PRDM16: variants seen among roughly 807,000 people sequenced by gnomAD.
The protein encoded by PRDM16 is histone-lysine N-methyltransferase PRDM16.
Under a neutral mutation model 110.6 loss-of-function variants are expected in PRDM16, and 23 were observed. The observed-to-expected ratio is 0.21, with a 90% CI of 0.15 to 0.29. PRDM16 has a LOEUF of 0.29. Ranked by LOEUF, PRDM16 falls within the 10% of genes least tolerant of loss-of-function variation. PRDM16 has a pLI of 1.00. For missense variants in PRDM16, 1,615 were observed against 1,794.3 expected, an observed-to-expected ratio of 0.90 and a Z score of 1.81; for synonymous variants, 799 against 781.8, an observed-to-expected ratio of 1.02 and a Z score of -0.37.
intron 1 of PRDM16, among the ~76,000 whole-genome samples, chr1:3,091,721 G>A (rs180670685): frequency 6.6e-6 from 1 of 152,302 alleles, no homozygotes; most frequent in Admixed American, 6.5e-5. Context: ...CCTGCGGGGA[G>A]GGGATGGAGC....
At chr1:3,252,579 A>C (rs976750962) in intron 3 of PRDM16, among the ~76,000 whole-genome samples, 1 of 152,058 alleles carries the variant, frequency 6.6e-6, no homozygotes, top group African/African-American at 2.4e-5. Context: ...CTAAGAAGCC[A>C]CCTGCTGTTA....
intron 3 of PRDM16, among the ~76,000 whole-genome samples, chr1:3,296,258 C>G (rs1242976167): frequency 6.6e-6 from 1 of 152,224 alleles, no homozygotes; most frequent in Non-Finnish European, 1.5e-5. Context: ...CCGTCCAGCC[C>G]CAGTTCCCAT....
chr1:3,182,662 G>C (rs543933805), intron 1 of PRDM16, among the ~76,000 whole-genome samples: 27 of 152,192 alleles, frequency 1.8e-4, no homozygotes, highest in Admixed American at 1.8e-3. Flanking sequence ...TGGGCTCCCA[G>C]CCAGCTCGGT....
Position 3,437,179 on chromosome 1 carries a change from G to C in PRDM16, c.*3368G>C, listed in dbSNP as rs1402782973. 2 of 232,436 alleles carry C rather than the reference G, an allele frequency of 8.6e-6. No homozygotes were observed. The highest frequency in any genetic ancestry group is 1.1e-4 in the Admixed American group (2 of 17,746). 14.4% of individuals were successfully genotyped at this position (232,436 alleles called of 1,614,324 possible). A position where few individuals can be genotyped will look rare whatever the true frequency, so the allele number is the denominator to read the frequency against. ...GGGGTGGGCGTGGTGTGGCCTGAGA[G>C]ACTGCCCAGCTGGAGAGGCCTTCCT... On this transcript the variant is annotated 3_prime_UTR_variant, in exon 17 of 17. Coordinates refer to ENST00000270722, the MANE Select transcript of PRDM16 (RefSeq NM_022114.4).
intron 2 of PRDM16, among the ~76,000 whole-genome samples, chr1:3,194,098 G>A (rs949870126): frequency 1.3e-5 from 2 of 152,240 alleles, no homozygotes; most frequent in South Asian, 2.1e-4. Context: ...TGTCCTGTCC[G>A]GCACCTGCAC....
intron 1 of PRDM16, among the ~76,000 whole-genome samples, chr1:3,146,248 T>C (rs1643649861): frequency 6.6e-6 from 1 of 152,228 alleles, no homozygotes; most frequent in South Asian, 2.1e-4. Context: ...CCAATGAACG[T>C]TCGCTGACTT....
intron 3 of PRDM16, among the ~76,000 whole-genome samples, chr1:3,331,695 A>G (rs114783159): frequency 0.017 from 2,631 of 152,260 alleles, 77 homozygotes; most frequent in African/African-American, 0.06. Context: ...ATGGGCAGAG[A>G]ACAGCCTTCC....
intron 3 of PRDM16, among the ~76,000 whole-genome samples, chr1:3,263,846 G>A (rs1191202791): frequency 6.6e-6 from 1 of 152,220 alleles, no homozygotes; most frequent in Non-Finnish European, 1.5e-5. Flanking sequence ...GCAGGTGGGG[G>A]TATGGCGGCA....
chr1:3,356,063 T>C (rs915099184), intron 3 of PRDM16, among the ~76,000 whole-genome samples: 1 of 152,168 alleles, frequency 6.6e-6, no homozygotes, highest in African/African-American at 2.4e-5. Flanking sequence ...CAGTGCAGCT[T>C]TCAGGGCCCA....
chr1:3,359,688 C>A lies in PRDM16; in HGVS notation c.439-25464C>A, dbSNP rs1318668978. Among the ~76,000 whole-genome samples the A allele has an allele frequency of 6.6e-6, 1 of 152,174 alleles. No homozygotes were observed. The highest frequency in any genetic ancestry group is 2.4e-5 in the African/African-American group (1 of 41,440). On this transcript the variant is annotated intron_variant, in intron 3 of 16. Coordinates refer to ENST00000270722, the MANE Select transcript of PRDM16 (RefSeq NM_022114.4). This position sits in a 1 kb window ranked among gnomAD's most constrained non-coding sequence, Gnocchi z 4.3. ...GGGTCTTTAGAAAATTTTTGGCAAT[C>A]TTGACTTCTTTCCCCCTTGGAAAAA...
chr1:3,111,892 C>G lies in PRDM16; in HGVS notation c.37+42596C>G, dbSNP rs1353717855. Reference sequence around the variant, plus strand: ...TTTGAAAAGGTGGGCCGCCTCTGCGCCGCTCCCCAGCAAGATAAATCATGT... The same window carrying G: ...TTTGAAAAGGTGGGCCGCCTCTGCGGCGCTCCCCAGCAAGATAAATCATGT... On this transcript the variant is annotated intron_variant, in intron 1 of 16. Transcript: ENST00000270722. 2.6e-5 allele frequency among the ~76,000 whole-genome samples: 4 copies of G among 152,242 alleles called. No homozygotes were observed. The East Asian group carries it at 7.7e-4, about 29-fold the overall frequency.
chr1:3,288,232 C>A (rs1283673336), intron 3 of PRDM16, among the ~76,000 whole-genome samples: 3 of 152,220 alleles, frequency 2.0e-5, no homozygotes, highest in Non-Finnish European at 4.4e-5. Context: ...GACCCTCATG[C>A]CCCCAGGCCC....
intron 3 of PRDM16, among the ~76,000 whole-genome samples, chr1:3,296,584 G>T (rs987745876): frequency 7.2e-5 from 11 of 152,358 alleles, no homozygotes; most frequent in African/African-American, 2.4e-4. Flanking sequence ...CCAACAGGGG[G>T]ACCTGGCCCA....
chr1:3,312,773 T>G (rs537546582), intron 3 of PRDM16, among the ~76,000 whole-genome samples: 5 of 152,388 alleles, frequency 3.3e-5, no homozygotes, highest in African/African-American at 1.2e-4. Flanking sequence ...TTTCCTTTTA[T>G]TGCTGTTATG....
intron 3 of PRDM16, among the ~76,000 whole-genome samples, chr1:3,363,629 T>G (rs1234039309): frequency 6.6e-6 from 1 of 152,074 alleles, no homozygotes; most frequent in African/African-American, 2.4e-5. Flanking sequence ...CATAGTGAGC[T>G]CCCATTGCCC....
rs1639712912 is a variant in PRDM16, at chr1:3,243,118, C to T, written c.388-969C>T. Among the ~76,000 whole-genome samples, 1 of 152,214 alleles carries T rather than the reference C, an allele frequency of 6.6e-6. No homozygotes were observed. The highest frequency in any genetic ancestry group is 2.4e-5 in the African/African-American group (1 of 41,474). On this transcript the variant is annotated intron_variant, in intron 2 of 16. Transcript: ENST00000270722. This position sits in a 1 kb window ranked among gnomAD's most constrained non-coding sequence, Gnocchi z 5.5. ...CCTGGGAGGAAGAACGAGCCGACTG[C>T]TGGCCCACTCCAGCCTCCCTGTCTC...
At chr1:3,433,325 T>A (rs1357457945) in intron 16 of PRDM16, among the ~76,000 whole-genome samples, 2 of 152,242 alleles carry the variant, frequency 1.3e-5, no homozygotes, top group Non-Finnish European at 2.9e-5. Context: ...TCTTAGTCCC[T>A]CTTGTTCCTT....
At chr1:3,422,291 G>GCAGGCAGACAGA (rs1364509808) in intron 12 of PRDM16, among the ~76,000 whole-genome samples, 1 of 149,572 alleles carries the variant, frequency 6.7e-6, no homozygotes, top group Non-Finnish European at 1.5e-5. Flanking sequence ...GGACAGACAG[G>GCAGGCAGACAGA]CAGGCAGACA....
At chr1:3,431,882 C>T (rs1474254378) in intron 15 of PRDM16, 84 bp from the exon 16 acceptor site, 11 of 1,442,024 alleles carry the variant, frequency 7.6e-6, no homozygotes, top group East Asian at 2.3e-5. Context: ...CATGCAGGCC[C>T]GGAGCTGGGC....
Sources: allele counts gnomAD v4.1 joint callset (sites outside exome capture counted in the v4.1 genomes callset), GRCh38; gene constraint gnomAD v4.1.1; non-coding constraint Gnocchi (gnomAD v3.1); transcripts MANE v1.5; gene names NCBI Gene and HGNC (gene_info 2026-07-23, HGNC 2026-07-21).